Variants in RAB10 observed in about 807,000 individuals in gnomAD.
RAB10 encodes ras-related protein Rab-10.
A neutral mutation model predicts 25.7 loss-of-function variants in RAB10; 5 were observed. The observed-to-expected ratio is 0.19, with a 90% CI of 0.10 to 0.41. The LOEUF (loss-of-function observed/expected upper bound fraction) is 0.41, where lower values mean the gene tolerates loss of function less well. RAB10 is among the 10% of genes least tolerant of loss of function. The probability of loss-of-function intolerance (pLI) is 1.00; values close to 1 mark genes in which losing one functional copy is unlikely to be tolerated. For synonymous variants in RAB10, 89 were observed against 86.4 expected, an observed-to-expected ratio of 1.03 and a Z score of -0.16; for missense variants, 103 against 245.8, an observed-to-expected ratio of 0.42 and a Z score of 3.89.
intron 1 of RAB10, among the ~76,000 whole-genome samples, chr2:26,038,924 CAA>C (rs34311018): frequency 0.36 from 37,282 of 103,596 alleles, 6,716 homozygotes; most frequent in Non-Finnish European, 0.48. Flanking sequence ...GACTCTGTCT[CAA>C]AAAAAAAAAA....
At chr2:26,108,211 T>C (rs1667504047) in intron 2 of RAB10, among the ~76,000 whole-genome samples, 1 of 152,194 alleles carries the variant, frequency 6.6e-6, no homozygotes, top group Non-Finnish European at 1.5e-5. Flanking sequence ...ATGAATATTC[T>C]TCGAACTTTG....
Position 26,034,117 on chromosome 2 carries a change from C to T in RAB10, c.-492C>T, listed in dbSNP as rs1665700930. ...CAGCGCGCACGCCGGCGTGAGAGGG[C>T]ACGGGGAAAAGGTGGCTCTGGCCGG... On this transcript the variant is annotated 5_prime_UTR_variant, in exon 1 of 6. Transcript: ENST00000264710. 2.5e-6 allele frequency: 1 copy of T among 403,752 alleles called. No homozygotes were observed. Among genetic ancestry groups the T allele is most frequent in the Non-Finnish European group, 4.4e-6 (1 of 228,536 alleles). 25.0% of individuals were successfully genotyped at this position (403,752 alleles called of 1,614,324 possible). A position where few individuals can be genotyped will look rare whatever the true frequency, so the allele number is the denominator to read the frequency against.
chr2:26,063,008 G>A (rs1476288033), intron 1 of RAB10, among the ~76,000 whole-genome samples: 1 of 152,044 alleles, frequency 6.6e-6, no homozygotes, highest in African/African-American at 2.4e-5. Context: ...CCGGCTGCTC[G>A]GGAGGCTGAG....
Position 26,130,796 on chromosome 2 carries a change from G to A in RAB10, c.519+2845G>A, listed in dbSNP as rs73920239. Among the ~76,000 whole-genome samples the A allele has an allele frequency of 8.8e-3, 1,344 of 152,234 alleles. 21 individuals carry two copies. The highest frequency in any genetic ancestry group is 0.031 in the African/African-American group (1,288 of 41,524). ...GAATAAAAGAAATAGAAAAATGCTT[G>A]TTTTAAACTTGGTGGAAGGTACTTT... On this transcript the variant is annotated intron_variant, in intron 5 of 5. Coordinates refer to ENST00000264710, the MANE Select transcript of RAB10 (RefSeq NM_016131.5).
At chr2:26,084,172 G>T (rs990245727) in intron 1 of RAB10, among the ~76,000 whole-genome samples, 1 of 152,092 alleles carries the variant, frequency 6.6e-6, no homozygotes, top group Admixed American at 6.6e-5. Context: ...CTTACCTTAA[G>T]GTCTTTGCTC....
intron 1 of RAB10, among the ~76,000 whole-genome samples, chr2:26,077,187 A>C (rs1305448019): frequency 6.6e-6 from 1 of 152,214 alleles, no homozygotes; most frequent in Non-Finnish European, 1.5e-5. Context: ...TTGATTTTTT[A>C]AAAAATCGTG....
chr2:26,064,040 G>C (rs1467014204), intron 1 of RAB10, among the ~76,000 whole-genome samples: 1 of 152,168 alleles, frequency 6.6e-6, no homozygotes, highest in Non-Finnish European at 1.5e-5. Context: ...GACCACAGCT[G>C]ATCTGCCCGC....
chr2:26,117,239 G>A (rs1381721411), intron 3 of RAB10, among the ~76,000 whole-genome samples: 1 of 152,086 alleles, frequency 6.6e-6, no homozygotes, highest in Non-Finnish European at 1.5e-5. Context: ...TACATCAAGG[G>A]ACAACTCTTG....
intron 1 of RAB10, among the ~76,000 whole-genome samples, chr2:26,051,996 G>A (rs1471528046): frequency 6.6e-6 from 1 of 151,760 alleles, no homozygotes; most frequent in Non-Finnish European, 1.5e-5. Flanking sequence ...GGCGGAGGTT[G>A]CAGTGAGCTG....
intron 3 of RAB10, among the ~76,000 whole-genome samples, chr2:26,122,593 A>C (rs1234036665): frequency 1.3e-5 from 2 of 151,134 alleles, no homozygotes; most frequent in Non-Finnish European, 2.9e-5. Flanking sequence ...ACACCACTGC[A>C]CTCCAGCCTG....
chr2:26,038,924 CAAAAA>C (rs34311018), intron 1 of RAB10, among the ~76,000 whole-genome samples: 3 of 103,364 alleles, frequency 2.9e-5, no homozygotes, highest in Non-Finnish European at 1.8e-5. Context: ...GACTCTGTCT[CAAAAA>C]AAAAAAAAAA....
intron 1 of RAB10, among the ~76,000 whole-genome samples, chr2:26,094,986 C>G (rs1455838625): frequency 6.6e-6 from 1 of 152,142 alleles, no homozygotes; most frequent in African/African-American, 2.4e-5. Context: ...ATTTAATGAG[C>G]TAGTATTAAA....
rs549283411 is a variant in RAB10, at chr2:26,034,816, T to C, written c.127+81T>C. On this transcript the variant is annotated intron_variant, in intron 1 of 5. Coordinates refer to ENST00000264710, the MANE Select transcript of RAB10 (RefSeq NM_016131.5). ...ACTCCAGACATCTTGCTTCCCGTAA[T>C]ATACGCCTTTGTTTCAGTGATTCCG... 920 of 1,555,880 alleles carry C rather than the reference T, an allele frequency of 5.9e-4. 15 individuals are homozygous for C. The South Asian group carries it at 9.7e-3, about 16-fold the overall frequency.
chr2:26,086,130 C>A (rs984075360), intron 1 of RAB10, among the ~76,000 whole-genome samples: 1 of 151,630 alleles, frequency 6.6e-6, no homozygotes, highest in Admixed American at 6.6e-5. Flanking sequence ...GCCTGTCCAA[C>A]ATGACAAAAC....
At chr2:26,121,589 G>A (rs1667803878) in intron 3 of RAB10, among the ~76,000 whole-genome samples, 4 of 152,166 alleles carry the variant, frequency 2.6e-5, no homozygotes, top group Admixed American at 2.6e-4. Context: ...TATTGGGCGG[G>A]GGGGAAATTA....
chr2:26,111,367 G>A lies in RAB10; in HGVS notation c.327+1461G>A, dbSNP rs186601627. On this transcript the variant is annotated intron_variant, in intron 3 of 5. Coordinates refer to ENST00000264710, the MANE Select transcript of RAB10 (RefSeq NM_016131.5). ...CGCCTGTAATCCCAGCACTCTGGGA[G>A]GCCGAGGTGGGCGGATCACCTGAGG... is the stretch of plus-strand genomic sequence containing the variant. Among the ~76,000 whole-genome samples, 98 of 152,302 alleles carry A rather than the reference G, an allele frequency of 6.4e-4. 1 individual carries two copies. The East Asian group carries it at 0.016, about 25-fold the overall frequency.
intron 1 of RAB10, among the ~76,000 whole-genome samples, chr2:26,092,649 C>T (rs774136626): frequency 4.6e-5 from 7 of 152,040 alleles, no homozygotes; most frequent in Non-Finnish European, 8.8e-5. Context: ...TCCAGTGATG[C>T]CTAGTTTCCA....
At chr2:26,080,621 G>T (rs577886930) in intron 1 of RAB10, among the ~76,000 whole-genome samples, 1 of 152,162 alleles carries the variant, frequency 6.6e-6, no homozygotes, top group African/African-American at 2.4e-5. Context: ...TGATCCTCCT[G>T]CTCATCCTAA....
In RAB10 at chr2:26,034,529, C is replaced by A; in HGVS notation, c.-80C>A. 1 of 1,581,620 alleles carries A rather than the reference C, an allele frequency of 6.3e-7. No individual in the cohort carries two copies. The highest frequency in any genetic ancestry group is 1.1e-5 in the South Asian group (1 of 89,108). On this transcript the variant is annotated 5_prime_UTR_variant, in exon 1 of 6. Transcript: ENST00000264710. ...TCCCCGGTCCTCCGGCCTGAGAACG[C>A]CCGAGTGAGGAGTTGGCCGTAGTGA...
Sources: allele counts gnomAD v4.1 joint callset (sites outside exome capture counted in the v4.1 genomes callset), GRCh38; gene constraint gnomAD v4.1.1; transcripts MANE v1.5; gene names NCBI Gene and HGNC (gene_info 2026-07-23, HGNC 2026-07-21).